Variants in SV2C observed in about 807,000 individuals in gnomAD.
The protein encoded by SV2C is solute carrier family 22 member B3.
SV2C carries 49 observed loss-of-function variants against 79.7 expected under a neutral mutation model. The observed-to-expected ratio is 0.61, with a 90% CI of 0.49 to 0.78. The LOEUF (loss-of-function observed/expected upper bound fraction) is 0.78, where lower values mean the gene tolerates loss of function less well. SV2C is among the 30% of genes least tolerant of loss of function. SV2C has a pLI of 0.00. For synonymous variants in SV2C, 334 were observed against 333.2 expected, an observed-to-expected ratio of 1.00 and a Z score of -0.03; for missense variants, 833 against 912.9, an observed-to-expected ratio of 0.91 and a Z score of 1.13.
intron 4 of SV2C, among the ~76,000 whole-genome samples, chr5:76,254,144 TTA>T (rs33938268): frequency 0.51 from 74,718 of 146,830 alleles, 19,451 homozygotes; most frequent in African/African-American, 0.59. Context: ...ATATGTGTTA[TTA>T]TATATATATA....
chr5:76,310,669 A>T (rs1275927227), intron 12 of SV2C, among the ~76,000 whole-genome samples: 1 of 152,212 alleles, frequency 6.6e-6, no homozygotes, highest in Non-Finnish European at 1.5e-5. Context: ...AAGTGGTTAG[A>T]TTCTGAAAAT....
At chr5:75,861,653 A>G in the SV2C span, among the ~76,000 whole-genome samples, 1 of 152,198 alleles carries the variant, frequency 6.6e-6, no homozygotes, top group Non-Finnish European at 1.5e-5. Context: ...GAATGAAATT[A>G]TGTCCTTTGC....
At chr5:76,102,491 C>T (rs114665578) in intron 1 of SV2C, among the ~76,000 whole-genome samples, 5 of 152,264 alleles carry the variant, frequency 3.3e-5, no homozygotes, top group African/African-American at 1.2e-4. Flanking sequence ...AATGCTCATT[C>T]TCTTGTCTGT....
At chr5:76,171,622 G>A (rs1743259248) in intron 2 of SV2C, among the ~76,000 whole-genome samples, 2 of 140,972 alleles carry the variant, frequency 1.4e-5, no homozygotes, top group African/African-American at 5.1e-5. Flanking sequence ...GGGGGGGTCA[G>A]CCCCCCGCCC....
At chr5:76,147,085 A>G (rs528817924) in intron 2 of SV2C, among the ~76,000 whole-genome samples, 1 of 152,300 alleles carries the variant, frequency 6.6e-6, no homozygotes, top group African/African-American at 2.4e-5. Context: ...TACAATGTGT[A>G]CAGCTAGCTA....
chr5:76,240,762 C>G (rs377267256), intron 4 of SV2C, among the ~76,000 whole-genome samples: 66 of 151,950 alleles, frequency 4.3e-4, no homozygotes, highest in African/African-American at 1.6e-3. Flanking sequence ...TTTGGGGAAA[C>G]CAAACTAAGA....
chr5:76,319,365 C>G (rs755032151), intron 12 of SV2C, among the ~76,000 whole-genome samples: 1 of 152,028 alleles, frequency 6.6e-6, no homozygotes, highest in African/African-American at 2.4e-5. Context: ...CTGCAGTGAG[C>G]CATGATCGCG....
chr5:75,950,108 C>A, the SV2C span, among the ~76,000 whole-genome samples: 1 of 152,108 alleles, frequency 6.6e-6, no homozygotes, highest in East Asian at 1.9e-4. Context: ...TAGAACTGAG[C>A]CCTGGGGCAC....
the SV2C span, among the ~76,000 whole-genome samples, chr5:75,962,165 T>C: frequency 6.6e-6 from 1 of 152,232 alleles, no homozygotes; most frequent in Non-Finnish European, 1.5e-5. Context: ...TATTTAGGGT[T>C]ATAAATTATT....
intron 4 of SV2C, among the ~76,000 whole-genome samples, chr5:76,231,531 C>G (rs1467895156): frequency 6.6e-6 from 1 of 150,586 alleles, no homozygotes; most frequent in Admixed American, 6.6e-5. Flanking sequence ...TGGTGCGCCG[C>G]ACCCACTAAC....
chr5:76,242,075 A>G, intron 4 of SV2C: 2 of 1,443,014 alleles, frequency 1.4e-6, no homozygotes, highest in East Asian at 2.3e-5. Flanking sequence ...CTGTTTTGGC[A>G]TCTCCATTTC....
intron 12 of SV2C, among the ~76,000 whole-genome samples, chr5:76,323,972 A>C (rs1456777856): frequency 6.6e-6 from 1 of 152,194 alleles, no homozygotes; most frequent in Non-Finnish European, 1.5e-5. Flanking sequence ...CCTATGTAAC[A>C]AACCTGCACG....
the SV2C span, among the ~76,000 whole-genome samples, chr5:75,871,808 AAT>A: frequency 7.2e-6 from 1 of 137,988 alleles, no homozygotes. Flanking sequence ...CTCTGTCTCA[AAT>A]ATATAAATAT....
chr5:76,118,547 A>G (rs1447769737), intron 1 of SV2C, among the ~76,000 whole-genome samples: 1 of 152,230 alleles, frequency 6.6e-6, no homozygotes, highest in Admixed American at 6.5e-5. Flanking sequence ...AAAATGATAA[A>G]ACACCTTTTT....
chr5:76,092,384 T>G (rs2112099635), intron 1 of SV2C, among the ~76,000 whole-genome samples: 1 of 152,312 alleles, frequency 6.6e-6, no homozygotes, highest in Non-Finnish European at 1.5e-5. Context: ...TTCTCATGGA[T>G]CTTTTTCCAG....
At chr5:76,010,125 G>C in the SV2C span, among the ~76,000 whole-genome samples, 2 of 151,264 alleles carry the variant, frequency 1.3e-5, no homozygotes, top group African/African-American at 4.9e-5. Context: ...CACAGGAGGA[G>C]TTCAATACCT....
At chr5:76,277,731 C>T (rs1747064791) in intron 4 of SV2C, among the ~76,000 whole-genome samples, 1 of 149,690 alleles carries the variant, frequency 6.7e-6, no homozygotes, top group Non-Finnish European at 1.5e-5. Context: ...GCACGCCAGC[C>T]TGGGTGACCT....
chr5:75,914,667 T>C, the SV2C span, among the ~76,000 whole-genome samples: 709 of 152,336 alleles, frequency 4.7e-3, 6 homozygotes, highest in Non-Finnish European at 6.2e-3. Flanking sequence ...TGCTAATGTA[T>C]ATCCAAATCT....
chr5:75,872,018 A>C, the SV2C span, among the ~76,000 whole-genome samples: 1 of 147,266 alleles, frequency 6.8e-6, no homozygotes, highest in African/African-American at 2.5e-5. Flanking sequence ...ATTTTATATA[A>C]TATATTAGCA....
Sources: gnomAD v4.1 joint callset for allele counts (sites outside exome capture counted in the v4.1 genomes callset) on GRCh38, gnomAD v4.1.1 for gene constraint, MANE v1.5 for transcripts, NCBI Gene and HGNC (gene_info 2026-07-23, HGNC 2026-07-21) for gene names.